The following CTNNA2 variants were observed in gnomAD, a reference collection of about 807,000 sequenced individuals.
CTNNA2 encodes the protein catenin alpha 2, also known as catenin alpha-2.
Under a neutral mutation model 101.0 loss-of-function variants are expected in CTNNA2, and 42 were observed. That is an observed-to-expected ratio of 0.42 (90% CI 0.32 to 0.54). The LOEUF (loss-of-function observed/expected upper bound fraction) is 0.54. CTNNA2 is among the 20% of genes least tolerant of loss of function. The pLI is 0.14. For synonymous variants in CTNNA2, 450 were observed against 456.4 expected (o/e 0.99, Z 0.18); for missense variants, 871 against 1,223.1 (o/e 0.71, Z 4.29).
In CTNNA2 at chr2:80,648,116, A is replaced by G. The variant is rs1674305341; in HGVS notation, c.*244A>G. 4 of 320,430 alleles carry G rather than the reference A, an allele frequency of 1.2e-5. No individual in the cohort carries two copies. In the East Asian group the frequency reaches 1.9e-4, roughly 16 times the overall value. The allele number at this position is 320,430 out of a possible 1,614,324, so 19.8% of individuals were successfully genotyped here. On this transcript the variant is annotated 3_prime_UTR_variant, in exon 19 of 19. Transcript: ENST00000402739. ...GAGCTGTCCTTTGCAACATTCTCAT[A>G]AAATTGGGCACAGAGTTCGCATTGG...
At chr2:79,612,473 T>G (rs1240372423) in intron 1 of CTNNA2, among the ~76,000 whole-genome samples, 4 of 152,182 alleles carry the variant, frequency 2.6e-5, no homozygotes, top group Admixed American at 2.6e-4. Context: ...GAATCCTCCC[T>G]CATTATTATA....
intron 3 of CTNNA2, among the ~76,000 whole-genome samples, chr2:79,829,360 T>TACACACACACACACACACACACAC (rs55934940): frequency 8.8e-6 from 1 of 113,126 alleles, no homozygotes; most frequent in African/African-American, 3.5e-5. Flanking sequence ...CAACTAAAAC[T>TACACACACACACACACACACACAC]ACACACACAC....
intron 9 of CTNNA2, among the ~76,000 whole-genome samples, chr2:80,519,000 G>A (rs1324466942): frequency 6.6e-6 from 1 of 151,890 alleles, no homozygotes; most frequent in Non-Finnish European, 1.5e-5. Flanking sequence ...TTGAAATCTG[G>A]CATTGCTTAG....
chr2:79,462,907 G>A (rs947970020), intron 4 of CTNNA2, among the ~76,000 whole-genome samples: 3 of 152,204 alleles, frequency 2.0e-5, no homozygotes, highest in East Asian at 1.9e-4. Flanking sequence ...TTGAGTGGAA[G>A]CTGGGATGTG....
At chr2:79,336,963 G>A (rs1022189368) in intron 3 of CTNNA2, among the ~76,000 whole-genome samples, 13 of 152,212 alleles carry the variant, frequency 8.5e-5, no homozygotes, top group Middle Eastern at 3.4e-3. Flanking sequence ...GCTGCTGCCC[G>A]TCTTCCCTGA....
Position 79,691,247 on chromosome 2 carries a change from A to T in CTNNA2, c.102+39589A>T, listed in dbSNP as rs548783012. On this transcript the variant is annotated intron_variant, in intron 2 of 18. Coordinates refer to ENST00000402739, the MANE Select transcript of CTNNA2 (RefSeq NM_001282597.3). ...ATCTGCATTATCTAGAATGTGATAA[A>T]AGTAGTAATTTGTTCTATATTCCTT... 6.4e-4 allele frequency among the ~76,000 whole-genome samples: 98 copies of T among 152,136 alleles called. 1 individual carries two copies. The highest frequency in any genetic ancestry group is 2.3e-3 in the Admixed American group (35 of 15,264).
At chr2:80,572,844 C>A (rs1694715688) in intron 12 of CTNNA2, 1 of 152,156 alleles carries the variant, frequency 6.6e-6, no homozygotes, top group Non-Finnish European at 1.5e-5. Flanking sequence ...GAGATTTCCC[C>A]ATGCATGCTG....
In CTNNA2 at chr2:80,072,120, A is replaced by C. The variant is rs183414437; in HGVS notation, c.1056+162323A>C. Among the ~76,000 whole-genome samples the C allele has an allele frequency of 4.6e-5, 7 of 152,334 alleles. No homozygotes were observed. The East Asian group carries it at 1.4e-3, about 29-fold the overall frequency. ...CAATTAGAGAAACACTGGCTTTAAA[A>C]ATAGTGTCAACTCTTAGCCTGATAT... is the stretch of plus-strand genomic sequence containing the variant. On this transcript the variant is annotated intron_variant, in intron 7 of 18. Coordinates refer to ENST00000402739, the MANE Select transcript of CTNNA2 (RefSeq NM_001282597.3).
chr2:80,399,794 T>C (rs1285610395), intron 8 of CTNNA2, among the ~76,000 whole-genome samples: 1 of 152,204 alleles, frequency 6.6e-6, no homozygotes, highest in Non-Finnish European at 1.5e-5. Flanking sequence ...GAAGATCCAC[T>C]GTAGGATTAT....
At chr2:79,914,034 G>T (rs1686002726) in intron 7 of CTNNA2, among the ~76,000 whole-genome samples, 1 of 150,696 alleles carries the variant, frequency 6.6e-6, no homozygotes, top group Non-Finnish European at 1.5e-5. Context: ...GGGCGTAGTG[G>T]CGGGCGCCTG....
At chr2:80,163,385 G>C in intron 7 of CTNNA2, among the ~76,000 whole-genome samples, 1 of 152,186 alleles carries the variant, frequency 6.6e-6, no homozygotes, top group East Asian at 1.9e-4. Flanking sequence ...GAAGTGTGTT[G>C]TTTAGTTTTC....
intron 7 of CTNNA2, among the ~76,000 whole-genome samples, chr2:80,235,921 A>T (rs1314450013): frequency 2.0e-5 from 3 of 152,174 alleles, no homozygotes; most frequent in African/African-American, 7.2e-5. Flanking sequence ...TATGAAGCCC[A>T]GTACTCAATA....
chr2:79,679,987 A>G (rs1200949665), intron 2 of CTNNA2, among the ~76,000 whole-genome samples: 2 of 152,180 alleles, frequency 1.3e-5, no homozygotes, highest in African/African-American at 4.8e-5. Flanking sequence ...GTATCACCTC[A>G]GGAACTGGAA....
intron 7 of CTNNA2, among the ~76,000 whole-genome samples, chr2:80,061,978 C>T (rs1430221203): frequency 3.3e-5 from 5 of 152,198 alleles, no homozygotes; most frequent in African/African-American, 1.2e-4. Flanking sequence ...TTAACATTTC[C>T]TGATTGCTTC....
At chr2:79,226,256 C>T (rs1455550702) in intron 2 of CTNNA2, among the ~76,000 whole-genome samples, 1 of 152,178 alleles carries the variant, frequency 6.6e-6, no homozygotes, top group African/African-American at 2.4e-5. Context: ...CTGTCCGTCA[C>T]ACACAACTGA....
intron 4 of CTNNA2, among the ~76,000 whole-genome samples, chr2:79,464,445 C>G (rs1217804323): frequency 2.6e-5 from 4 of 152,140 alleles, no homozygotes; most frequent in Non-Finnish European, 5.9e-5. Flanking sequence ...ACTAAACATA[C>G]GTGGGCATGT....
intron 8 of CTNNA2, among the ~76,000 whole-genome samples, chr2:80,396,335 T>G (rs955767787): frequency 1.3e-5 from 2 of 152,152 alleles, no homozygotes; most frequent in Non-Finnish European, 2.9e-5. Context: ...AAGGAGTATT[T>G]TGTTTAGAAT....
At chr2:79,914,141 T>C (rs1338542813) in intron 7 of CTNNA2, among the ~76,000 whole-genome samples, 71 of 123,402 alleles carry the variant, frequency 5.8e-4, no homozygotes, top group Admixed American at 1.1e-3. Context: ...CACTCCAGCC[T>C]GGGCGACAGA....
intron 8 of CTNNA2, among the ~76,000 whole-genome samples, chr2:80,418,749 T>A (rs1680254882): frequency 6.6e-6 from 1 of 152,194 alleles, no homozygotes; most frequent in Non-Finnish European, 1.5e-5. Context: ...AGCACCAAGG[T>A]AATTTTTCAG....
Sources: allele counts gnomAD v4.1 joint callset (sites outside exome capture counted in the v4.1 genomes callset), GRCh38; gene constraint gnomAD v4.1.1; transcripts MANE v1.5; gene names NCBI Gene and HGNC (gene_info 2026-07-23, HGNC 2026-07-21).